The following DPP10 variants were observed in gnomAD, a reference collection of about 807,000 sequenced individuals.
The protein encoded by DPP10 is dipeptidyl peptidase like 10.
In DPP10, 33 loss-of-function variants were observed where a neutral mutation model predicts 120.9. That is an observed-to-expected ratio of 0.27 (90% confidence interval 0.21 to 0.37). DPP10 has a LOEUF of 0.37. Ranked by LOEUF, DPP10 falls within the 10% of genes least tolerant of loss-of-function variation. DPP10 has a pLI of 1.00. For missense variants in DPP10, 816 were observed against 942.8 expected (o/e 0.87, Z 1.76); for synonymous variants, 337 against 326.1 (o/e 1.03, Z -0.36).
At chr2:115,722,224 G>A (rs2092665992) in intron 7 of DPP10, among the ~76,000 whole-genome samples, 1 of 151,846 alleles carries the variant, frequency 6.6e-6, no homozygotes, top group South Asian at 2.1e-4. Context: ...TACGCTTACA[G>A]ATTTAAGAGG....
At chr2:115,752,535 G>A (rs1011958073) in intron 10 of DPP10, among the ~76,000 whole-genome samples, 1 of 152,042 alleles carries the variant, frequency 6.6e-6, no homozygotes, top group African/African-American at 2.4e-5. Context: ...AAATAAATAA[G>A]ATAATTAACA....
intron 3 of DPP10, among the ~76,000 whole-genome samples, chr2:115,490,196 G>A (rs1839133): frequency 0.42 from 63,555 of 151,928 alleles, 14,127 homozygotes; most frequent in East Asian, 0.65. Flanking sequence ...TTATAAAGGG[G>A]AGAGGTTTAA....
intron 5 of DPP10, among the ~76,000 whole-genome samples, chr2:115,601,173 G>T (rs1340692013): frequency 1.3e-5 from 2 of 152,148 alleles, no homozygotes; most frequent in Non-Finnish European, 2.9e-5. Context: ...CATTGTTCTG[G>T]TTTGTCAAAG....
intron 1 of DPP10, among the ~76,000 whole-genome samples, chr2:114,812,599 C>G (rs1574247594): frequency 6.6e-6 from 1 of 151,490 alleles, no homozygotes; most frequent in Admixed American, 6.6e-5. Flanking sequence ...CACACACACA[C>G]ACACACACAC....
At chr2:115,115,526 T>C (rs1057420109) in intron 1 of DPP10, among the ~76,000 whole-genome samples, 1 of 152,186 alleles carries the variant, frequency 6.6e-6, no homozygotes, top group Admixed American at 6.5e-5. Context: ...AAATAGTGGA[T>C]GCACATGCCA....
At chr2:115,236,606 C>T (rs894855930) in intron 1 of DPP10, among the ~76,000 whole-genome samples, 4 of 152,148 alleles carry the variant, frequency 2.6e-5, no homozygotes, top group Non-Finnish European at 4.4e-5. Flanking sequence ...ACAGAAGGCT[C>T]TCTGGCCAGA....
chr2:114,726,306 G>A (rs1035309179), intron 1 of DPP10, among the ~76,000 whole-genome samples: 2 of 151,422 alleles, frequency 1.3e-5, no homozygotes, highest in Non-Finnish European at 2.9e-5. Flanking sequence ...ATATGGTTCA[G>A]ATGAACCAGT....
chr2:115,840,734 AT>A lies in DPP10; in HGVS notation c.2183-13del, dbSNP rs757817826. ...GCAGTGTGTTTCTTCAGATATCATA[AT>A]TTGATTTCTTGCAGCAAAAGTTCAT... On this transcript the variant is annotated splice_polypyrimidine_tract_variant and intron_variant, in intron 24 of 25. Coordinates refer to ENST00000410059, the MANE Select transcript of DPP10 (RefSeq NM_020868.6). 39 of 1,610,638 alleles carry A rather than the reference AT, an allele frequency of 2.4e-5. No individual in the cohort carries two copies. Among genetic ancestry groups the A allele is most frequent in the Non-Finnish European group, 3.0e-5 (35 of 1,178,056 alleles).
intron 1 of DPP10, among the ~76,000 whole-genome samples, chr2:114,851,191 T>C (rs1688922200): frequency 6.6e-6 from 1 of 152,164 alleles, no homozygotes; most frequent in Non-Finnish European, 1.5e-5. Flanking sequence ...CTAACAGCAA[T>C]TTAGGCTCAT....
chr2:114,452,002 TA>T (rs1558770786), intron 1 of DPP10, among the ~76,000 whole-genome samples: 1 of 152,200 alleles, frequency 6.6e-6, no homozygotes, highest in Non-Finnish European at 1.5e-5. Flanking sequence ...AGGTTATTAA[TA>T]ACTTATTAAT....
chr2:115,649,525 A>G (rs944962981), intron 5 of DPP10, among the ~76,000 whole-genome samples: 1 of 152,100 alleles, frequency 6.6e-6, no homozygotes, highest in Non-Finnish European at 1.5e-5. Flanking sequence ...TCAATGTCCT[A>G]GTAATATTTC....
At chr2:114,705,839 C>T (rs1202863887) in intron 1 of DPP10, among the ~76,000 whole-genome samples, 1 of 152,114 alleles carries the variant, frequency 6.6e-6, no homozygotes, top group Admixed American at 6.6e-5. Flanking sequence ...TGAAACTATG[C>T]TTCAGGTGTG....
At chr2:115,331,960 T>C (rs965974686) in intron 2 of DPP10, among the ~76,000 whole-genome samples, 4 of 152,042 alleles carry the variant, frequency 2.6e-5, no homozygotes, top group East Asian at 1.9e-4. Context: ...GGGAGGATTC[T>C]CTCTTTTTCT....
intron 1 of DPP10, among the ~76,000 whole-genome samples, chr2:114,483,942 C>G (rs1681281220): frequency 6.6e-6 from 1 of 152,176 alleles, no homozygotes; most frequent in Non-Finnish European, 1.5e-5. Context: ...CCATCAGTCC[C>G]TTTGAACACT....
chr2:114,697,282 A>G (rs1700121973), intron 1 of DPP10, among the ~76,000 whole-genome samples: 1 of 152,100 alleles, frequency 6.6e-6, no homozygotes, highest in Non-Finnish European at 1.5e-5. Context: ...TAACTGCTGA[A>G]CTGTGTGGTG....
chr2:114,508,636 T>C (rs1223853761), intron 1 of DPP10, among the ~76,000 whole-genome samples: 2 of 152,140 alleles, frequency 1.3e-5, no homozygotes, highest in Non-Finnish European at 2.9e-5. Flanking sequence ...ATGGGAAGTA[T>C]AGCACATCAG....
At chr2:115,183,011 GCA>G (rs34612528) in intron 1 of DPP10, among the ~76,000 whole-genome samples, 72,474 of 150,246 alleles carry the variant, frequency 0.48, 18,198 homozygotes, top group East Asian at 0.74. Flanking sequence ...ATATTTACAC[GCA>G]CACACACACA....
chr2:114,513,287 C>T (rs1684305262), intron 1 of DPP10, among the ~76,000 whole-genome samples: 1 of 152,132 alleles, frequency 6.6e-6, no homozygotes, highest in African/African-American at 2.4e-5. Flanking sequence ...CTTTGGGAGG[C>T]CGAGGCAGGT....
chr2:115,445,919 C>T (rs539133635), intron 3 of DPP10, among the ~76,000 whole-genome samples: 1 of 151,812 alleles, frequency 6.6e-6, no homozygotes, highest in East Asian at 1.9e-4. Context: ...GCCCAGGACC[C>T]CACTGCTCTG....
Sources: allele counts gnomAD v4.1 joint callset (sites outside exome capture counted in the v4.1 genomes callset), GRCh38; gene constraint gnomAD v4.1.1; transcripts MANE v1.5; gene names NCBI Gene and HGNC (gene_info 2026-07-23, HGNC 2026-07-21).